The following D2HGDH variants were observed in gnomAD, a reference collection of about 807,000 sequenced individuals.
D2HGDH encodes the protein D-2-hydroxyglutarate dehydrogenase.
A neutral mutation model predicts 46.9 loss-of-function variants in D2HGDH; 31 were observed. The ratio of observed to expected loss-of-function variants is 0.66; its 90% CI spans 0.50 to 0.89. The LOEUF is 0.89. Ranked by LOEUF, D2HGDH falls within the 40% of genes least tolerant of loss-of-function variation. The pLI is 0.00. For missense variants in D2HGDH, 698 were observed against 720.8 expected (o/e 0.97, Z 0.36); for synonymous variants, 364 against 332.6 (o/e 1.09, Z -1.03).
In D2HGDH at chr2:241,756,052, G is replaced by T. The variant is rs539312955; in HGVS notation, c.1306+38G>T. 28 of 1,575,296 alleles carry T rather than the reference G, an allele frequency of 1.8e-5. No homozygotes were observed. The East Asian group carries it at 6.3e-4, about 36-fold the overall frequency. ...CCGGGGCCGCGGCCCTGTGTGTGCTGGGTGGTGGGCCCCACGGTCACCGTC... is the reference window on the plus strand; with the variant it reads ...CCGGGGCCGCGGCCCTGTGTGTGCTTGGTGGTGGGCCCCACGGTCACCGTC... On this transcript the variant is annotated intron_variant, in intron 9 of 9. Transcript: ENST00000321264.
chr2:241,762,764 T>G (rs924540787), intron 9 of D2HGDH, among the ~76,000 whole-genome samples: 1 of 152,198 alleles, frequency 6.6e-6, no homozygotes, highest in Non-Finnish European at 1.5e-5. Context: ...ATGATGCATT[T>G]CATCTCCGGA....
intron 6 of D2HGDH, chr2:241,749,524 G>C: frequency 4.2e-6 from 2 of 479,794 alleles, no homozygotes; most frequent in Non-Finnish European, 6.7e-6. Flanking sequence ...CTCACTGGTA[G>C]CCCCCACCAA....
intron 9 of D2HGDH, among the ~76,000 whole-genome samples, chr2:241,757,774 A>G (rs35715487): frequency 0.45 from 69,028 of 151,884 alleles, 17,056 homozygotes; most frequent in African/African-American, 0.65. Context: ...CCCGGCCAAC[A>G]TGATGAAACC....
chr2:241,764,918 T>C (rs989429587), intron 9 of D2HGDH, among the ~76,000 whole-genome samples: 1 of 152,190 alleles, frequency 6.6e-6, no homozygotes, highest in South Asian at 2.1e-4. Flanking sequence ...CGTCGCCTTC[T>C]TGACCTCTGA....
chr2:241,735,350 C>T lies in D2HGDH; in HGVS notation c.126C>T (p.Thr42=), dbSNP rs761137426. Residue 42 remains threonine, a synonymous_variant, in exon 2 of 10, where the codon ACC becomes ACT. Transcript: ENST00000321264. ...ARRGCCSAPG[T]PEVPLTRERY... ...GAGGCTGCTGCTCCGCCCCGGGGAC[C>T]CCCGAGGTGCCGCTGACCCGGGAGC... 1 of 1,558,688 alleles carries T rather than the reference C, an allele frequency of 6.4e-7. No homozygotes were observed. Among genetic ancestry groups the T allele is most frequent in the South Asian group, 1.2e-5 (1 of 85,544 alleles).
At chr2:241,746,745 G>A (rs1001452666) in intron 6 of D2HGDH, among the ~76,000 whole-genome samples, 3 of 152,022 alleles carry the variant, frequency 2.0e-5, no homozygotes, top group East Asian at 3.9e-4. Context: ...AAAATTAGCC[G>A]GGCATGGTGG....
Position 241,768,318 on chromosome 2 carries a change from G to GC in D2HGDH, c.*350dup. 3.6e-6 allele frequency: 1 copy of GC among 278,232 alleles called. No individual in the cohort carries two copies. The highest frequency in any genetic ancestry group is 6.8e-6 in the Non-Finnish European group (1 of 146,138). The allele number at this position is 278,232 out of a possible 1,614,324, so 17.2% of individuals were successfully genotyped here. A position where few individuals can be genotyped will look rare whatever the true frequency, so the allele number is the denominator to read the frequency against. ...TTGCCTGCTGCGGCCTGGGGAGCAG[G>GC]CGCTGGGTGGTGGTTCTGCCTGCTT... On this transcript the variant is annotated 3_prime_UTR_variant, in exon 10 of 10. Transcript: ENST00000321264.
In D2HGDH at chr2:241,759,777, C is replaced by T. The variant is rs544815718; in HGVS notation, c.1306+3763C>T. Among the ~76,000 whole-genome samples the T allele has an allele frequency of 3.9e-5, 6 of 152,248 alleles. No individual in the cohort carries two copies. In the South Asian group the frequency reaches 1.0e-3, roughly 26 times the overall value. On this transcript the variant is annotated intron_variant, in intron 9 of 9. Transcript: ENST00000321264. ...TTGCCGTTTACTAACTGTTGGTGGT[C>T]GCCCTGGCACCACAGTGGACATTTC...
intron 2 of D2HGDH, among the ~76,000 whole-genome samples, chr2:241,740,615 A>G (rs62191982): frequency 0.57 from 86,252 of 152,010 alleles, 26,761 homozygotes; most frequent in African/African-American, 0.84. Context: ...GACCTCCTGG[A>G]CTCAGATGAT....
At chr2:241,764,380 A>G (rs1009667389) in intron 9 of D2HGDH, among the ~76,000 whole-genome samples, 4 of 152,274 alleles carry the variant, frequency 2.6e-5, no homozygotes, top group East Asian at 1.9e-4. Flanking sequence ...TTTCACGTCT[A>G]CTTGGGAGTG....
At position 241,767,761 on chromosome 2, in the gene D2HGDH, T is replaced by C. The variant is rs768149213; in HGVS notation, c.1358T>C (p.Leu453Pro). The C allele has an allele frequency of 6.2e-7, 1 of 1,612,598 alleles. No individual in the cohort carries two copies. The highest frequency in any genetic ancestry group is 1.7e-5 in the Admixed American group (1 of 59,980). ...ACGGCGGAGGCCTTCAGCCCCTCGC[T>C]CCTGGCTGCCCTGGAGCCCCACGTG... ...NVTAEAFSPS[L>P]LAALEPHVYE... Residue 453 changes from leucine (L) to proline (P), a missense_variant, in exon 10 of 10, where the codon CTC (leucine) becomes CCC (proline). Coordinates refer to ENST00000321264, the MANE Select transcript of D2HGDH (RefSeq NM_152783.5).
At chr2:241,755,817 C>T in intron 8 of D2HGDH, 32 bp from the exon 9 acceptor site, 1 of 1,610,142 alleles carries the variant, frequency 6.2e-7, no homozygotes, top group East Asian at 2.2e-5. Flanking sequence ...TTCCCATAGC[C>T]AGCCCTTGTC....
intron 6 of D2HGDH, chr2:241,749,820 G>T: frequency 2.6e-6 from 1 of 382,224 alleles, no homozygotes; most frequent in East Asian, 6.1e-5. Context: ...GCCCCTCCTG[G>T]CATCTGATGC....
At chr2:241,745,554 T>C (rs1695641637) in intron 6 of D2HGDH, among the ~76,000 whole-genome samples, 1 of 152,220 alleles carries the variant, frequency 6.6e-6, no homozygotes, top group Non-Finnish European at 1.5e-5. Context: ...CCCTGGAGGA[T>C]GCTGAGACTC....
At chr2:241,752,421 G>A (rs1697406827) in intron 8 of D2HGDH, among the ~76,000 whole-genome samples, 1 of 152,072 alleles carries the variant, frequency 6.6e-6, no homozygotes, top group Admixed American at 6.5e-5. Flanking sequence ...TTTTCTAAGT[G>A]GACTGTGACA....
chr2:241,756,415 T>C (rs1243536653), intron 9 of D2HGDH, among the ~76,000 whole-genome samples: 1 of 152,242 alleles, frequency 6.6e-6, no homozygotes, highest in Non-Finnish European at 1.5e-5. Flanking sequence ...GCTCTACCCC[T>C]TCAGATGGGA....
At chr2:241,738,485 G>T (rs946643273) in intron 2 of D2HGDH, among the ~76,000 whole-genome samples, 4 of 152,222 alleles carry the variant, frequency 2.6e-5, no homozygotes, top group African/African-American at 9.6e-5. Context: ...CAGCCTGCTC[G>T]GAGGCCAGCA....
intron 2 of D2HGDH, among the ~76,000 whole-genome samples, chr2:241,738,661 T>C (rs1293936036): frequency 6.6e-6 from 1 of 152,190 alleles, no homozygotes; most frequent in Non-Finnish European, 1.5e-5. Context: ...GGGTCCCCGC[T>C]CTCTGGTCAG....
intron 2 of D2HGDH, among the ~76,000 whole-genome samples, chr2:241,737,613 C>T (rs1044701924): frequency 3.9e-5 from 6 of 152,192 alleles, no homozygotes; most frequent in African/African-American, 1.4e-4. Context: ...TCTCAGCCTC[C>T]TGAGTAGCTG....
Sources: gnomAD v4.1 joint callset for allele counts (sites outside exome capture counted in the v4.1 genomes callset) on GRCh38, gnomAD v4.1.1 for gene constraint, MANE v1.5 for transcripts, NCBI Gene and HGNC (gene_info 2026-07-23, HGNC 2026-07-21) for gene names.